The following STAU2 variants were observed in gnomAD, a reference collection of about 807,000 sequenced individuals.
The protein encoded by STAU2 is double-stranded RNA-binding protein Staufen homolog 2.
Under a neutral mutation model 65.9 loss-of-function variants are expected in STAU2, and 20 were observed. That is an observed-to-expected ratio of 0.30 (90% CI 0.21 to 0.44). The LOEUF is 0.44. Among genes scored for constraint, STAU2 ranks in the 20% least tolerant of loss-of-function variants. The pLI, the probability that STAU2 is intolerant of heterozygous loss-of-function variation, is 1.00. For missense variants in STAU2, 558 were observed against 683.9 expected (o/e 0.82, Z 2.05); for synonymous variants, 232 against 233.9 (o/e 0.99, Z 0.07).
At chr8:73,634,329 A>C (rs1814335077) in intron 6 of STAU2, among the ~76,000 whole-genome samples, 2 of 152,060 alleles carry the variant, frequency 1.3e-5, no homozygotes, top group African/African-American at 4.8e-5. Flanking sequence ...AGAGATTGAG[A>C]CCATCCTGGT....
chr8:73,551,785 T>C, intron 13 of STAU2: 3 of 1,196,258 alleles, frequency 2.5e-6, no homozygotes, highest in East Asian at 3.5e-5. Context: ...AGAAGGAAAA[T>C]GGAGAAGAGA....
chr8:73,657,780 G>A (rs906530488), intron 6 of STAU2, among the ~76,000 whole-genome samples: 23 of 152,212 alleles, frequency 1.5e-4, no homozygotes, highest in African/African-American at 4.6e-4. Context: ...TTGGGAGGCC[G>A]AGGTAGGCAG....
At chr8:73,649,874 TATATA>T (rs1563481260) in intron 6 of STAU2, among the ~76,000 whole-genome samples, 48 of 112,988 alleles carry the variant, frequency 4.2e-4, no homozygotes, top group East Asian at 1.9e-3. Flanking sequence ...TAATTTTATA[TATATA>T]TATATATATA....
chr8:73,712,930 T>TCAAAA lies in STAU2; in HGVS notation c.-17-3773_-17-3769dup, dbSNP rs1159276042. Among the ~76,000 whole-genome samples the TCAAAA allele has an allele frequency of 7.9e-5, 12 of 152,320 alleles. No homozygotes were observed. The South Asian group carries it at 1.4e-3, about 18-fold the overall frequency. ...CTGGGTGACAGAGTGAGATCCTCTC[T>TCAAAA]CAAAACAAAACAAAACAAAAAACAA... On this transcript the variant is annotated intron_variant, in intron 3 of 14. Transcript: ENST00000524300.
At chr8:73,557,232 C>G (rs1480925991) in intron 12 of STAU2, among the ~76,000 whole-genome samples, 2 of 152,152 alleles carry the variant, frequency 1.3e-5, no homozygotes, top group African/African-American at 4.8e-5. Context: ...CTCTCCTATT[C>G]TACAGTAAAG....
At chr8:73,717,989 T>C (rs1821371935) in intron 3 of STAU2, among the ~76,000 whole-genome samples, 1 of 152,236 alleles carries the variant, frequency 6.6e-6, no homozygotes, top group Non-Finnish European at 1.5e-5. Context: ...AAGTTGAGTA[T>C]TCCAACCCAT....
intron 13 of STAU2, among the ~76,000 whole-genome samples, chr8:73,546,123 C>CTTTTTTTTTT (rs71561528): frequency 3.2e-5 from 3 of 93,290 alleles, no homozygotes; most frequent in South Asian, 4.2e-4. Context: ...GTTTGGTTTT[C>CTTTTTTTTTT]TTTTTTTTTT....
intron 11 of STAU2, among the ~76,000 whole-genome samples, chr8:73,588,656 A>G (rs141961659): frequency 1.1e-4 from 17 of 152,352 alleles, no homozygotes; most frequent in Non-Finnish European, 2.1e-4. Flanking sequence ...CTAAGAGCTC[A>G]GTAAAGCTTC....
intron 13 of STAU2, among the ~76,000 whole-genome samples, chr8:73,462,999 CCTT>C (rs781139476): frequency 6.6e-6 from 1 of 152,162 alleles, no homozygotes; most frequent in Non-Finnish European, 1.5e-5. Context: ...TGGGAAAGCC[CCTT>C]CTTCTTCCTT....
chr8:73,432,696 C>T (rs1000375392), intron 13 of STAU2, among the ~76,000 whole-genome samples: 1 of 152,188 alleles, frequency 6.6e-6, no homozygotes, highest in Non-Finnish European at 1.5e-5. Flanking sequence ...AACCCACTTG[C>T]TGCCCTGTTT....
At chr8:73,574,599 C>A (rs1261430901) in intron 12 of STAU2, among the ~76,000 whole-genome samples, 1 of 152,150 alleles carries the variant, frequency 6.6e-6, no homozygotes, top group African/African-American at 2.4e-5. Context: ...GACTTCATGT[C>A]CTTTGTAGGG....
intron 3 of STAU2, among the ~76,000 whole-genome samples, chr8:73,734,471 G>C (rs1048288977): frequency 6.6e-6 from 1 of 152,020 alleles, no homozygotes; most frequent in Non-Finnish European, 1.5e-5. Context: ...ATTAGTTTTA[G>C]TAACACATAT....
intron 13 of STAU2, among the ~76,000 whole-genome samples, chr8:73,479,562 G>A (rs922818504): frequency 4.6e-5 from 7 of 150,548 alleles, no homozygotes; most frequent in African/African-American, 1.5e-4. Context: ...GAAAATGAAT[G>A]TTTAACATTA....
chr8:73,736,491 G>A (rs1443584660), intron 3 of STAU2, among the ~76,000 whole-genome samples: 1 of 152,132 alleles, frequency 6.6e-6, no homozygotes, highest in Non-Finnish European at 1.5e-5. Flanking sequence ...AAACTAAAGA[G>A]CAAGGTGCTA....
chr8:73,575,077 AG>A (rs1741149476), intron 12 of STAU2, among the ~76,000 whole-genome samples: 2 of 151,272 alleles, frequency 1.3e-5, no homozygotes, highest in African/African-American at 4.8e-5. Flanking sequence ...AAGAAAACAG[AG>A]AAGAATTTTC....
chr8:73,424,115 C>A (rs1340043254), intron 13 of STAU2, among the ~76,000 whole-genome samples: 1 of 144,780 alleles, frequency 6.9e-6, no homozygotes, highest in Non-Finnish European at 1.5e-5. Flanking sequence ...TACAGTTTTG[C>A]CATATAGCAG....
chr8:73,555,972 T>A (rs4363186), intron 12 of STAU2, among the ~76,000 whole-genome samples: 46,035 of 152,090 alleles, frequency 0.3, 7,238 homozygotes, highest in Middle Eastern at 0.34. Flanking sequence ...CATTATGTAC[T>A]GAAAAAAGTT....
At chr8:73,567,649 G>A (rs1298241364) in intron 12 of STAU2, among the ~76,000 whole-genome samples, 1 of 151,572 alleles carries the variant, frequency 6.6e-6, no homozygotes, top group Non-Finnish European at 1.5e-5. Flanking sequence ...CCAGGTTCAA[G>A]CAATTCTCCC....
At chr8:73,464,611 C>T (rs1210568365) in intron 13 of STAU2, among the ~76,000 whole-genome samples, 1 of 152,190 alleles carries the variant, frequency 6.6e-6, no homozygotes, top group Non-Finnish European at 1.5e-5. Flanking sequence ...CACACACACA[C>T]ACACACACAC....
Sources: gnomAD v4.1 joint callset for allele counts (sites outside exome capture counted in the v4.1 genomes callset) on GRCh38, gnomAD v4.1.1 for gene constraint, MANE v1.5 for transcripts, NCBI Gene and HGNC (gene_info 2026-07-23, HGNC 2026-07-21) for gene names.